The following FGFR2 variants were observed in gnomAD, a reference collection of about 807,000 sequenced individuals.
FGFR2 encodes BEK fibroblast growth factor receptor.
FGFR2 carries 19 observed loss-of-function variants against 95.9 expected under a neutral mutation model. The observed-to-expected ratio is 0.20, with a 90% CI of 0.14 to 0.29. The LOEUF (loss-of-function observed/expected upper bound fraction) is 0.29, where lower values mean the gene tolerates loss of function less well. Among genes scored for constraint, FGFR2 ranks in the 10% least tolerant of loss-of-function variants. The pLI is 1.00. For synonymous variants in FGFR2, 392 were observed against 393.3 expected (o/e 1.00, Z 0.04); for missense variants, 707 against 1,056.9 (o/e 0.67, Z 4.59).
chr10:121,500,941 T>G lies in FGFR2; in HGVS notation c.1446A>C (p.Thr482=). 1 of 1,614,132 alleles carries G rather than the reference T, an allele frequency of 6.2e-7. No homozygotes were observed. Among genetic ancestry groups the G allele is most frequent in the Non-Finnish European group, 8.5e-7 (1 of 1,180,040 alleles). ...AACCTTCTCCCAGGGGCTTGCCCAG[T>G]GTCAGCCTAAATGTGTAAATAGGGG... ...PKWEFPRDKL[T]LGKPLGEGCF... is the part of the protein sequence containing the mutation. The change falls in exon 11 of 18, where the codon ACA becomes ACC. Residue 482 remains threonine, a synonymous_variant. Transcript: ENST00000358487.
intron 2 of FGFR2, among the ~76,000 whole-genome samples, chr10:121,588,645 C>G (rs2135432694): frequency 6.6e-6 from 1 of 152,214 alleles, no homozygotes; most frequent in African/African-American, 2.4e-5. Flanking sequence ...AAGGCTAGGA[C>G]AGGTGTGGTG....
chr10:121,509,631 G>A (rs1848794778), intron 9 of FGFR2, among the ~76,000 whole-genome samples: 3 of 151,270 alleles, frequency 2.0e-5, no homozygotes, highest in Admixed American at 2.0e-4. Flanking sequence ...TTACAGGCAT[G>A]TACCACCACG....
intron 2 of FGFR2, among the ~76,000 whole-genome samples, chr10:121,579,212 G>C (rs930808797): frequency 6.6e-6 from 1 of 152,226 alleles, no homozygotes. Context: ...TGCCTAGGAA[G>C]GCCTCTGTAT....
intron 17 of FGFR2, among the ~76,000 whole-genome samples, chr10:121,481,309 A>G (rs1031185991): frequency 6.6e-6 from 1 of 152,094 alleles, no homozygotes; most frequent in Non-Finnish European, 1.5e-5. Flanking sequence ...GAGGGGGCAA[A>G]AAGTGCAGAC....
rs1422062781 is a variant in FGFR2, at chr10:121,513,578, T to A, written c.1287+1539A>T. On this transcript the variant is annotated intron_variant, in intron 9 of 17. Coordinates refer to ENST00000358487, the MANE Select transcript of FGFR2 (RefSeq NM_000141.5). The stretch of plus-strand genomic sequence containing the variant: ...CCATTTTTCCCTATTAGAAAAAAAA[T>A]AATAGAAACCATGTAAGAGTTATCT... Among the ~76,000 whole-genome samples, 18 of 152,242 alleles carry A rather than the reference T, an allele frequency of 1.2e-4. No homozygotes were observed. The East Asian group carries it at 3.1e-3, about 26-fold the overall frequency.
Position 121,577,134 on chromosome 10 carries a change from C to CAAAAAAAAAAAA in FGFR2, c.110-11442_110-11431dup, listed in dbSNP as rs1169487586. Among the ~76,000 whole-genome samples, 2 of 3,952 alleles carry CAAAAAAAAAAAA rather than the reference C, an allele frequency of 5.1e-4. 1 individual carries two copies. 2.6% of individuals were successfully genotyped at this position (3,952 alleles called of 152,430 possible). A position where few individuals can be genotyped will look rare whatever the true frequency, so the allele number is the denominator to read the frequency against. On this transcript the variant is annotated intron_variant, in intron 2 of 17. Transcript: ENST00000358487. ...TGGATGACAGAGCGAGACTCCATCTCAAAAAAAAAAAAAAAAAAAAAAAAA... is the reference window on the plus strand; with the variant it reads ...TGGATGACAGAGCGAGACTCCATCTCAAAAAAAAAAAAAAAAAAAAAAAAAAAAAAAAAAAAA...
intron 5 of FGFR2, among the ~76,000 whole-genome samples, chr10:121,543,929 C>T (rs1854125687): frequency 6.6e-6 from 1 of 152,218 alleles, no homozygotes; most frequent in Non-Finnish European, 1.5e-5. Flanking sequence ...AGGACATCCA[C>T]CGCCTGTTGA....
At chr10:121,579,673 T>C (rs1860512509) in intron 2 of FGFR2, among the ~76,000 whole-genome samples, 1 of 152,176 alleles carries the variant, frequency 6.6e-6, no homozygotes. Flanking sequence ...CACCACAGAA[T>C]TCCCTTGAGA....
At chr10:121,536,971 C>G (rs1399774408) in intron 6 of FGFR2, among the ~76,000 whole-genome samples, 2 of 152,178 alleles carry the variant, frequency 1.3e-5, no homozygotes, top group Admixed American at 1.3e-4. Context: ...CACACAGGAA[C>G]CCAGGTAAAG....
intron 2 of FGFR2, among the ~76,000 whole-genome samples, 164 bp downstream of exon 2, chr10:121,593,545 C>T (rs765352130): frequency 6.6e-6 from 1 of 152,178 alleles, no homozygotes; most frequent in East Asian, 1.9e-4. Flanking sequence ...GGCAAAGGAC[C>T]TTCTCTCATC....
rs774232306 is a variant in FGFR2, at chr10:121,479,875, G to C, written c.2448C>G (p.Asn816Lys). The C allele has an allele frequency of 6.2e-7, 1 of 1,614,148 alleles. No homozygotes were observed. The highest frequency in any genetic ancestry group is 8.5e-7 in the Non-Finnish European group (1 of 1,180,028). ...CAGTCATTCATGTTTTAACACTGCC[G>C]TTTATGTGTGGATACTGAGGAAGGC... Reference protein sequence around the residue: ...EPCLPQYPHINGSVKT With the variant: ...EPCLPQYPHIKGSVKT The change falls in exon 18 of 18, where the codon AAC becomes AAG. Residue 816 changes from asparagine (N) to lysine (K), a missense_variant. Asn to Lys is a moderately conservative substitution (Grantham distance 94). Transcript: ENST00000358487.
intron 4 of FGFR2, among the ~76,000 whole-genome samples, chr10:121,555,360 C>T (rs750920862): frequency 7.4e-6 from 1 of 134,528 alleles, no homozygotes; most frequent in South Asian, 2.6e-4. Flanking sequence ...GCGACAAGAG[C>T]AAAACTCTGT....
In FGFR2 at chr10:121,515,195, C is replaced by T. The variant is rs1365135170; in HGVS notation, c.1209G>A (p.Thr403=). 3.1e-6 allele frequency: 5 copies of T among 1,614,158 alleles called. No individual in the cohort carries two copies. Among genetic ancestry groups the T allele is most frequent in the Admixed American group, 1.7e-5 (1 of 60,020 alleles). Reference sequence around the variant, plus strand: ...GGCTGCTGAAGTCTGGCTTCTTGGTCGTGTTCTTCATTCGGCACAGGATGA... The same window carrying T: ...GGCTGCTGAAGTCTGGCTTCTTGGTTGTGTTCTTCATTCGGCACAGGATGA... ...VTVILCRMKN[T]TKKPDFSSQP... Residue 403 remains threonine (T), a synonymous_variant, in exon 9 of 18, where the codon ACG becomes ACA. Coordinates refer to ENST00000358487, the MANE Select transcript of FGFR2 (RefSeq NM_000141.5).
intron 5 of FGFR2, among the ~76,000 whole-genome samples, chr10:121,539,475 T>C (rs1853367368): frequency 6.6e-6 from 1 of 152,206 alleles, no homozygotes; most frequent in Non-Finnish European, 1.5e-5. Flanking sequence ...GTACCATCAA[T>C]ACACAAAGAG....
chr10:121,526,500 G>A (rs990655694), intron 6 of FGFR2, among the ~76,000 whole-genome samples: 8 of 152,210 alleles, frequency 5.3e-5, no homozygotes, highest in Non-Finnish European at 8.8e-5. Context: ...GCTAAATCTC[G>A]TTGGGTTCTG....
intron 2 of FGFR2, among the ~76,000 whole-genome samples, chr10:121,590,260 G>C (rs1239213969): frequency 6.6e-6 from 1 of 152,140 alleles, no homozygotes; most frequent in Non-Finnish European, 1.5e-5. Flanking sequence ...CTACTGGGTT[G>C]GTGTAAACAA....
At chr10:121,501,792 T>C (rs181863408) in intron 10 of FGFR2, among the ~76,000 whole-genome samples, 36 of 152,346 alleles carry the variant, frequency 2.4e-4, no homozygotes, top group Admixed American at 1.4e-3. Flanking sequence ...GCATGTGCTA[T>C]GCTGAGGTCA....
intron 6 of FGFR2, among the ~76,000 whole-genome samples, chr10:121,527,286 C>T (rs1296795876): frequency 6.6e-6 from 1 of 152,154 alleles, no homozygotes; most frequent in Non-Finnish European, 1.5e-5. Context: ...TCTTCTTGGG[C>T]GAATTACAGG....
chr10:121,530,433 G>A (rs554545084), intron 6 of FGFR2: 1 of 152,480 alleles, frequency 6.6e-6, no homozygotes, highest in Non-Finnish European at 1.5e-5. Flanking sequence ...GGCTAGCCTG[G>A]GCAACATAGT....
Sources: allele counts gnomAD v4.1 joint callset (sites outside exome capture counted in the v4.1 genomes callset), GRCh38; gene constraint gnomAD v4.1.1; transcripts MANE v1.5; gene names NCBI Gene and HGNC (gene_info 2026-07-23, HGNC 2026-07-21).